Variants in STK4 observed in about 807,000 individuals in gnomAD.
STK4 encodes the protein serine/threonine kinase 4.
In STK4, 30 loss-of-function variants were observed where a neutral mutation model predicts 64.9. The ratio of observed to expected loss-of-function variants is 0.46; its 90% CI spans 0.35 to 0.63. The LOEUF is 0.63. STK4 is among the 20% of genes least tolerant of loss of function. The pLI, the probability that STK4 is intolerant of heterozygous loss-of-function variation, is 0.01. For missense variants in STK4, 466 were observed against 598.5 expected (o/e 0.78, Z 2.31); for synonymous variants, 177 against 199.0 (o/e 0.89, Z 0.93).
intron 10 of STK4, 114 bp downstream of exon 10, chr20:45,025,244 C>T: frequency 8.1e-7 from 1 of 1,240,204 alleles, no homozygotes; most frequent in South Asian, 1.8e-5. Context: ...CCATCCCTGA[C>T]AGTGTCTACT....
Position 44,987,242 on chromosome 20 carries a change from A to G in STK4, c.471A>G (p.Leu157=). ...ATATCAAGGCAGGAAATATTTTGCT[A>G]AATACAGAAGGACATGCAAAACTTG... ...HRDIKAGNIL[L]NTEGHAKLAD... is the part of the protein sequence containing the mutation. Residue 157 remains leucine, a synonymous_variant, in exon 5 of 11, where the codon CTA becomes CTG. Transcript: ENST00000372806. The G allele has an allele frequency of 6.2e-7, 1 of 1,612,992 alleles. No homozygotes were observed. The highest frequency in any genetic ancestry group is 8.5e-7 in the Non-Finnish European group (1 of 1,179,636).
At chr20:45,001,042 G>A in intron 8 of STK4, 125 bp from the exon 9 acceptor site, 13 of 1,048,566 alleles carry the variant, frequency 1.2e-5, no homozygotes, top group Non-Finnish European at 1.8e-5. Flanking sequence ...TTTCTGGAAG[G>A]TGAGTTTAGG....
chr20:44,988,709 A>G (rs2067581760), intron 5 of STK4, among the ~76,000 whole-genome samples: 1 of 151,720 alleles, frequency 6.6e-6, no homozygotes, highest in Admixed American at 6.6e-5. Flanking sequence ...TATATTCACA[A>G]AATTGTGCAG....
chr20:44,975,202 C>A, intron 2 of STK4: 1 of 218,802 alleles, frequency 4.6e-6, no homozygotes, highest in Non-Finnish European at 7.8e-6. Flanking sequence ...CTTCTCCATT[C>A]TCTGCTGTCA....
At chr20:45,007,130 C>T (rs556762450) in intron 9 of STK4, among the ~76,000 whole-genome samples, 31 of 152,078 alleles carry the variant, frequency 2.0e-4, no homozygotes, top group African/African-American at 3.4e-4. Flanking sequence ...CAGCTCATTC[C>T]GTTATCTTAA....
chr20:45,000,301 CAT>C (rs893865874), intron 7 of STK4, 89 bp from the exon 8 acceptor site: 85 of 1,445,630 alleles, frequency 5.9e-5, no homozygotes, highest in Non-Finnish European at 7.8e-5. Flanking sequence ...TGATTCAACA[CAT>C]GTTATCCAGT....
intron 10 of STK4, among the ~76,000 whole-genome samples, chr20:45,055,486 C>CT (rs1288817579): frequency 2.7e-5 from 4 of 150,422 alleles, no homozygotes; most frequent in Admixed American, 6.6e-5. Flanking sequence ...TTTGTTTCTT[C>CT]TTTTTTTTCC....
At position 45,075,426 on chromosome 20, in the gene STK4, C is replaced by A. The variant is rs1461606442; in HGVS notation, c.*250C>A. 2 of 368,496 alleles carry A rather than the reference C, an allele frequency of 5.4e-6. No individual in the cohort carries two copies. The highest frequency in any genetic ancestry group is 9.9e-6 in the Non-Finnish European group (2 of 203,004). 22.8% of individuals were successfully genotyped at this position (368,496 alleles called of 1,614,324 possible). A position where few individuals can be genotyped will look rare whatever the true frequency, so the allele number is the denominator to read the frequency against. ...GGCGCTTTTAACTCAGAGTTTTAAA[C>A]CCCAGGAACAGAGACTCCTAGTTGA... is the stretch of plus-strand genomic sequence containing the variant. On this transcript the variant is annotated 3_prime_UTR_variant, in exon 11 of 11. Transcript: ENST00000372806.
At chr20:45,035,491 G>T (rs1017815212) in intron 10 of STK4, among the ~76,000 whole-genome samples, 1 of 152,086 alleles carries the variant, frequency 6.6e-6, no homozygotes, top group South Asian at 2.1e-4. Context: ...AGCTTTTAGA[G>T]TAAATTTCCT....
Position 45,005,663 on chromosome 20 carries a change from A to AC in STK4, c.1147+4310_1147+4311insC, listed in dbSNP as rs1449036715. Among the ~76,000 whole-genome samples the AC allele has an allele frequency of 1.7e-3, 260 of 151,660 alleles. 1 individual carries two copies. The highest frequency in any genetic ancestry group is 6.0e-3 in the African/African-American group (250 of 41,350). ...ACTCTGTCTCAAAAAAAAAAAAAAA[A>AC]AAAACAAAACGTTAGCTACTATAAT... is the stretch of plus-strand genomic sequence containing the variant. On this transcript the variant is annotated intron_variant, in intron 9 of 10. Transcript: ENST00000372806.
chr20:45,019,354 C>T (rs546156100), intron 9 of STK4, among the ~76,000 whole-genome samples: 47 of 152,222 alleles, frequency 3.1e-4, no homozygotes, highest in Middle Eastern at 3.4e-3. Context: ...GAGGTTTATC[C>T]ATGTTATAGC....
At chr20:45,049,501 A>G (rs1243047378) in intron 10 of STK4, among the ~76,000 whole-genome samples, 1 of 152,202 alleles carries the variant, frequency 6.6e-6, no homozygotes, top group Non-Finnish European at 1.5e-5. Flanking sequence ...GCAATTATAA[A>G]CTACAACTAT....
intron 10 of STK4, among the ~76,000 whole-genome samples, chr20:45,027,441 A>AG (rs952324364): frequency 3.3e-5 from 5 of 151,944 alleles, no homozygotes; most frequent in African/African-American, 9.7e-5. Context: ...AAAAAAAAAA[A>AG]AAAAAAAAAG....
chr20:44,970,963 G>C lies in STK4; in HGVS notation c.36-1115G>C, dbSNP rs373956155. ...TGTAATAATTGATATTATCCAGCTA[G>C]TCTAAACCTTTTTTTTTCTACAAAG... is the stretch of plus-strand genomic sequence containing the variant. On this transcript the variant is annotated intron_variant, in intron 1 of 10. Coordinates refer to ENST00000372806, the MANE Select transcript of STK4 (RefSeq NM_006282.5). Among the ~76,000 whole-genome samples the C allele has an allele frequency of 4.7e-5, 7 of 148,806 alleles. No individual in the cohort carries two copies. The Admixed American group carries it at 4.7e-4, about 10-fold the overall frequency.
intron 10 of STK4, among the ~76,000 whole-genome samples, chr20:45,036,170 A>G (rs1165550188): frequency 2.0e-5 from 3 of 152,240 alleles, no homozygotes; most frequent in African/African-American, 7.2e-5. Flanking sequence ...CGATTGAGCC[A>G]TTTCACAATG....
intron 5 of STK4, among the ~76,000 whole-genome samples, chr20:44,993,926 C>T (rs931768852): frequency 6.6e-6 from 1 of 151,664 alleles, no homozygotes; most frequent in Non-Finnish European, 1.5e-5. Context: ...TTGCAGTGAG[C>T]CAAGATTGTG....
At chr20:45,071,493 T>C (rs1568773998) in intron 10 of STK4, among the ~76,000 whole-genome samples, 1 of 152,164 alleles carries the variant, frequency 6.6e-6, no homozygotes, top group Non-Finnish European at 1.5e-5. Context: ...ATAGGTCAGA[T>C]GTAACTTAAG....
In STK4 at chr20:44,987,161, A is replaced by G. The variant is rs779408096; in HGVS notation, c.390A>G (p.Leu130=). 5.6e-6 allele frequency: 9 copies of G among 1,602,288 alleles called. No individual in the cohort carries two copies. The East Asian group carries it at 1.1e-4, about 20-fold the overall frequency. Residue 130 remains leucine, a synonymous_variant, in exon 5 of 11, where the codon TTA becomes TTG. Transcript: ENST00000372806. ...TLTEDEIATI[L]QSTLKGLEYL... is the part of the protein sequence containing the mutation. ...CAGAAGATGAAATAGCTACAATATTACAATCAACTCTTAAGGGACTTGAAT... is the reference window on the plus strand; with the variant it reads ...CAGAAGATGAAATAGCTACAATATTGCAATCAACTCTTAAGGGACTTGAAT...
rs1373808234 is a variant in STK4, at chr20:44,987,212, C to T, written c.441C>T (p.His147=). The change falls in exon 5 of 11, where the codon CAC becomes CAT. Residue 147 remains histidine (H), a synonymous_variant. Coordinates refer to ENST00000372806, the MANE Select transcript of STK4 (RefSeq NM_006282.5). ...ACCTTCATTTTATGAGAAAAATACA[C>T]CGAGATATCAAGGCAGGAAATATTT... ...LEYLHFMRKI[H]RDIKAGNILL... is the part of the protein sequence containing the mutation. The T allele has an allele frequency of 6.2e-7, 1 of 1,611,968 alleles. No individual in the cohort carries two copies. The highest frequency in any genetic ancestry group is 1.7e-5 in the Admixed American group (1 of 59,740).
Sources: gnomAD v4.1 joint callset for allele counts (sites outside exome capture counted in the v4.1 genomes callset) on GRCh38, gnomAD v4.1.1 for gene constraint, MANE v1.5 for transcripts, NCBI Gene and HGNC (gene_info 2026-07-23, HGNC 2026-07-21) for gene names.